Variants in HIVEP3 observed in about 807,000 individuals in gnomAD.
HIVEP3 encodes transcription factor HIVEP3.
HIVEP3 carries 49 observed loss-of-function variants against 152.8 expected under a neutral mutation model. The ratio of observed to expected loss-of-function variants is 0.32; its 90% CI spans 0.26 to 0.41. The LOEUF (loss-of-function observed/expected upper bound fraction) is 0.41. Ranked by LOEUF, HIVEP3 falls within the 10% of genes least tolerant of loss-of-function variation. The pLI is 1.00. For missense variants in HIVEP3, 2,790 were observed against 3,103.3 expected (o/e 0.90, Z 2.40); for synonymous variants, 1,269 against 1,289.0 (o/e 0.98, Z 0.33).
In HIVEP3 at chr1:41,512,827, C is replaced by T. The variant is rs140353634; in HGVS notation, c.6394G>A (p.Ala2132Thr). ...GGGCAGGAACTCACCCACGGGGAGG[C>T]GCAGGTCTCTGGGCTTCTGCTGAGG... ...KLLSRSPETC[A>T]SPWQKAESRS... The change falls in exon 8 of 9, where the codon GCC becomes ACC. Residue 2132 changes from alanine (A) to threonine (T), a missense_variant. Physicochemically the swap from Ala to Thr is moderately conservative, Grantham distance 58. This residue lies in a region of HIVEP3 where 816 missense variants were observed against 806.5 expected (regional missense o/e 1.01). Transcript: ENST00000372583. 2.2e-4 allele frequency: 335 copies of T among 1,505,836 alleles called. No individual in the cohort carries two copies. Among genetic ancestry groups the T allele is most frequent in the Middle Eastern group, 5.9e-4 (3 of 5,120 alleles). 93.3% of individuals were successfully genotyped at this position (1,505,836 alleles called of 1,614,324 possible).
intron 1 of HIVEP3, among the ~76,000 whole-genome samples, chr1:41,834,530 G>GT (rs1643065840): frequency 6.6e-6 from 1 of 151,986 alleles, no homozygotes; most frequent in Non-Finnish European, 1.5e-5. Context: ...CACTATAGCT[G>GT]TAACAGCTCC....
intron 1 of HIVEP3, among the ~76,000 whole-genome samples, chr1:41,862,432 T>C (rs1301738777): frequency 1.3e-5 from 2 of 152,212 alleles, no homozygotes; most frequent in East Asian, 1.9e-4. Flanking sequence ...TTCACACTTA[T>C]GCATATGCTT....
At chr1:41,529,274 TCA>T (rs1643152630) in intron 5 of HIVEP3, among the ~76,000 whole-genome samples, 1 of 80,724 alleles carries the variant, frequency 1.2e-5, no homozygotes, top group Non-Finnish European at 2.3e-5. Context: ...TCACACATGC[TCA>T]CACCCCCCAC....
chr1:41,653,653 A>T (rs1035680705), intron 2 of HIVEP3, among the ~76,000 whole-genome samples: 2 of 152,200 alleles, frequency 1.3e-5, no homozygotes, highest in South Asian at 4.1e-4. Context: ...CCACCTGGGC[A>T]TCTGGTGCCT....
At chr1:42,021,628 G>A (rs1217111513) in intron 1 of HIVEP3, among the ~76,000 whole-genome samples, 2 of 152,086 alleles carry the variant, frequency 1.3e-5, no homozygotes, top group Non-Finnish European at 2.9e-5. Flanking sequence ...GGAGTCATGT[G>A]CAAACAGATA....
rs1644122232 is a variant in HIVEP3, at chr1:41,873,796, A to C, written c.-801+44617T>G. Among the ~76,000 whole-genome samples, 1 of 152,184 alleles carries C rather than the reference A, an allele frequency of 6.6e-6. No individual in the cohort carries two copies. The highest frequency in any genetic ancestry group is 2.4e-5 in the African/African-American group (1 of 41,442). On this transcript the variant is annotated intron_variant, in intron 1 of 8. Coordinates refer to ENST00000372583, the MANE Select transcript of HIVEP3 (RefSeq NM_024503.5). This position sits in a 1 kb window ranked among gnomAD's most constrained non-coding sequence, Gnocchi z 4.2. ...AGAATCCCAGAGCTTTGAAGCTTTA[A>C]AGTGAATTCAAGAGTGGGATTCAAG...
intron 1 of HIVEP3, among the ~76,000 whole-genome samples, chr1:41,756,155 C>T (rs1289834854): frequency 6.6e-6 from 1 of 152,150 alleles, no homozygotes; most frequent in Non-Finnish European, 1.5e-5. Context: ...TGTTGTTATA[C>T]AGATCTCGGA....
At chr1:41,759,808 C>G (rs918104077) in intron 1 of HIVEP3, among the ~76,000 whole-genome samples, 5 of 152,202 alleles carry the variant, frequency 3.3e-5, no homozygotes, top group African/African-American at 7.2e-5. Context: ...TTTCTTTGTA[C>G]TTTGGTCATC....
intron 1 of HIVEP3, among the ~76,000 whole-genome samples, chr1:41,867,131 A>C (rs959758161): frequency 6.6e-6 from 1 of 151,926 alleles, no homozygotes; most frequent in Non-Finnish European, 1.5e-5. Flanking sequence ...TAGAGAGGGG[A>C]CACTCCAGCA....
upstream of HIVEP3, among the ~76,000 whole-genome samples, chr1:41,920,117 A>G (rs559822374): frequency 2.6e-5 from 4 of 152,268 alleles, no homozygotes; most frequent in Non-Finnish European, 5.9e-5. Flanking sequence ...AGCGACACAC[A>G]CACACTCTCT....
At chr1:41,870,235 A>G (rs1011324149) in intron 1 of HIVEP3, among the ~76,000 whole-genome samples, 7 of 151,700 alleles carry the variant, frequency 4.6e-5, no homozygotes, top group Non-Finnish European at 7.4e-5. Flanking sequence ...CTGAAATATC[A>G]CTTCCCCAAA....
At chr1:41,968,021 A>G (rs1391419702) in intron 1 of HIVEP3, among the ~76,000 whole-genome samples, 1 of 152,174 alleles carries the variant, frequency 6.6e-6, no homozygotes, top group Non-Finnish European at 1.5e-5. Context: ...CCTTGAATAG[A>G]CCAATAATTA....
chr1:41,984,178 G>T (rs1203986880), intron 1 of HIVEP3, among the ~76,000 whole-genome samples: 1 of 152,142 alleles, frequency 6.6e-6, no homozygotes, highest in Non-Finnish European at 1.5e-5. Flanking sequence ...TTGCTATATT[G>T]CCCAGGCTGG....
intron 1 of HIVEP3, among the ~76,000 whole-genome samples, chr1:41,866,187 C>T (rs987307861): frequency 6.6e-6 from 1 of 152,226 alleles, no homozygotes; most frequent in Non-Finnish European, 1.5e-5. Context: ...TGCCTTGGGA[C>T]TGAGAGATGG....
chr1:41,580,248 T>G lies in HIVEP3; in HGVS notation c.4550A>C (p.His1517Pro). 1.2e-6 allele frequency: 2 copies of G among 1,613,414 alleles called. No individual in the cohort carries two copies. The highest frequency in any genetic ancestry group is 1.7e-6 in the Non-Finnish European group (2 of 1,179,654). ...GGCTGTCCCATGGGACAATGCAGGG[T>G]GAGGGAGGGGAGGAATTTCCTTTGT... ...SDTKEIPPLP[H>P]PALSHGTAPG... Residue 1517 changes from histidine to proline, a missense_variant, in exon 4 of 9, where the codon CAC becomes CCC. Physicochemically the swap from His to Pro is moderately conservative, Grantham distance 77. Coordinates refer to ENST00000372583, the MANE Select transcript of HIVEP3 (RefSeq NM_024503.5).
intron 1 of HIVEP3, among the ~76,000 whole-genome samples, chr1:41,952,248 A>G (rs767454046): frequency 6.6e-6 from 1 of 152,180 alleles, no homozygotes; most frequent in Non-Finnish European, 1.5e-5. Flanking sequence ...CTTGCTTCTC[A>G]CTTCATGAAT....
In HIVEP3 at chr1:41,615,758, G is replaced by A. The variant is rs183434714; in HGVS notation, c.-522+12991C>T. On this transcript the variant is annotated intron_variant, in intron 3 of 8. Transcript: ENST00000372583. ...GATGACGGTCACTCCTGGGAGCACA[G>A]GAGAAAGGGACCCACATTGTGGAAG... Among the ~76,000 whole-genome samples the A allele has an allele frequency of 7.4e-5, 11 of 149,516 alleles. No homozygotes were observed. In the East Asian group the frequency reaches 2.2e-3, roughly 30 times the overall value.
At chr1:41,644,693 C>CTTTTTT (rs60511656) in intron 2 of HIVEP3, among the ~76,000 whole-genome samples, 136 of 74,632 alleles carry the variant, frequency 1.8e-3, no homozygotes, top group East Asian at 6.7e-3. Flanking sequence ...CATATCTGTT[C>CTTTTTT]TTTTTTTTTT....
chr1:41,766,571 T>C (rs756546054), intron 1 of HIVEP3, among the ~76,000 whole-genome samples: 1 of 152,178 alleles, frequency 6.6e-6, no homozygotes, highest in Non-Finnish European at 1.5e-5. Context: ...AATGAGGAAA[T>C]AGAGAGACTG....
Sources: allele counts gnomAD v4.1 joint callset (sites outside exome capture counted in the v4.1 genomes callset), GRCh38; gene constraint gnomAD v4.1.1; regional missense constraint gnomAD v4.1.1; non-coding constraint Gnocchi (gnomAD v3.1); transcripts MANE v1.5; gene names NCBI Gene and HGNC (gene_info 2026-07-23, HGNC 2026-07-21).